The following SLC4A4 variants were observed in gnomAD, a reference collection of about 807,000 sequenced individuals.
SLC4A4 encodes the protein solute carrier family 4 member 4, also known as electrogenic sodium bicarbonate cotransporter 1.
Under a neutral mutation model 111.5 loss-of-function variants are expected in SLC4A4, and 27 were observed. The observed-to-expected ratio is 0.24, with a 90% confidence interval of 0.18 to 0.33. SLC4A4 has a LOEUF of 0.33. Among genes scored for constraint, SLC4A4 ranks in the 10% least tolerant of loss-of-function variants. The pLI is 1.00. For synonymous variants in SLC4A4, 443 were observed against 463.4 expected (o/e 0.96, Z 0.57); for missense variants, 909 against 1,315.5 (o/e 0.69, Z 4.78).
intron 13 of SLC4A4, among the ~76,000 whole-genome samples, chr4:71,466,959 G>GAGAGAA (rs1560533813): frequency 9.1e-6 from 1 of 109,810 alleles, no homozygotes. Flanking sequence ...GAGAGAGAGA[G>GAGAGAA]AGAGAGGGAG....
At chr4:71,304,685 A>G (rs1226440851) in intron 3 of SLC4A4, among the ~76,000 whole-genome samples, 1 of 152,238 alleles carries the variant, frequency 6.6e-6, no homozygotes, top group Non-Finnish European at 1.5e-5. Context: ...TAAGCCAGCT[A>G]TGATTAAGTG....
At position 71,571,269 on chromosome 4, in the gene SLC4A4, T is replaced by C. The variant is rs1252478465; in HGVS notation, c.*3518T>C. On this transcript the variant is annotated 3_prime_UTR_variant, in exon 26 of 26. Coordinates refer to ENST00000264485, the MANE Select transcript of SLC4A4 (RefSeq NM_001098484.3). ...TGGGACAAAGCCTTCTTCAATCCTT[T>C]TCATACTACTTAATGATTTTGGTGC... is the stretch of plus-strand genomic sequence containing the variant. 27 of 152,300 alleles carry C rather than the reference T, an allele frequency of 1.8e-4. 1 individual carries two copies. In the Admixed American group the frequency reaches 1.8e-3, roughly 10 times the overall value. 9.4% of individuals were successfully genotyped at this position (152,300 alleles called of 1,614,324 possible).
At chr4:71,328,609 T>G (rs1465950408) in intron 3 of SLC4A4, among the ~76,000 whole-genome samples, 1 of 152,142 alleles carries the variant, frequency 6.6e-6, no homozygotes, top group Non-Finnish European at 1.5e-5. Context: ...GTTTCTTAGT[T>G]GTATGTCTTA....
intron 2 of SLC4A4, among the ~76,000 whole-genome samples, chr4:71,137,519 C>T (rs185275247): frequency 6.6e-6 from 1 of 152,278 alleles, no homozygotes; most frequent in African/African-American, 2.4e-5. Context: ...ATACAAGGTC[C>T]TTTAACCACC....
intron 2 of SLC4A4, among the ~76,000 whole-genome samples, chr4:71,160,000 A>G (rs978448945): frequency 2.0e-5 from 3 of 152,186 alleles, no homozygotes; most frequent in Admixed American, 2.0e-4. Flanking sequence ...CTGTCATAAT[A>G]ATACCTAACA....
At chr4:71,443,380 C>G (rs1053278292) in intron 8 of SLC4A4, among the ~76,000 whole-genome samples, 2 of 151,596 alleles carry the variant, frequency 1.3e-5, no homozygotes, top group Admixed American at 1.3e-4. Flanking sequence ...AAACTCCTGA[C>G]CTCAAGTAAT....
intron 7 of SLC4A4, among the ~76,000 whole-genome samples, chr4:71,414,260 A>G (rs1721646621): frequency 6.6e-6 from 1 of 152,210 alleles, no homozygotes; most frequent in Non-Finnish European, 1.5e-5. Context: ...GTTCTGAGTG[A>G]AGGGACCTGC....
chr4:71,412,826 T>A (rs1189540873), intron 7 of SLC4A4, among the ~76,000 whole-genome samples: 1 of 152,202 alleles, frequency 6.6e-6, no homozygotes, highest in East Asian at 1.9e-4. Context: ...AATGACTGTA[T>A]GTTAGGAATG....
chr4:71,142,454 C>G (rs761544025), intron 2 of SLC4A4, among the ~76,000 whole-genome samples: 1 of 152,126 alleles, frequency 6.6e-6, no homozygotes, highest in Non-Finnish European at 1.5e-5. Context: ...TTTTGCTGCT[C>G]CCTGTTTTAG....
intron 14 of SLC4A4, among the ~76,000 whole-genome samples, chr4:71,481,377 A>C (rs187656116): frequency 3.4e-3 from 514 of 151,784 alleles, no homozygotes; most frequent in Middle Eastern, 0.024. Flanking sequence ...CAGAGGAGCC[A>C]TGGGGTAGTT....
chr4:71,536,632 A>G (rs9715200), intron 18 of SLC4A4, among the ~76,000 whole-genome samples: 88,570 of 149,404 alleles, frequency 0.59, 30,255 homozygotes, highest in Non-Finnish European at 0.77. Context: ...GAGTAGCTGG[A>G]ATTACAGGGG....
chr4:71,560,796 A>G (rs1453457), intron 23 of SLC4A4, among the ~76,000 whole-genome samples: 131,113 of 151,714 alleles, frequency 0.86, 57,806 homozygotes, highest in Non-Finnish European at 0.96. Flanking sequence ...TTCTTCAATA[A>G]AAAGAAAAGG....
At chr4:71,431,222 ATGTT>A (rs1489683567) in intron 7 of SLC4A4, among the ~76,000 whole-genome samples, 1 of 150,542 alleles carries the variant, frequency 6.6e-6, no homozygotes, top group African/African-American at 2.4e-5. Flanking sequence ...GGAAAACAGT[ATGTT>A]TGACTACAAT....
chr4:71,118,899 G>A (rs1367590631), intron 2 of SLC4A4, among the ~76,000 whole-genome samples: 2 of 152,166 alleles, frequency 1.3e-5, no homozygotes. Flanking sequence ...TTTCAGGGAG[G>A]TGGAATGATT....
chr4:71,414,808 T>C (rs999339530), intron 7 of SLC4A4, among the ~76,000 whole-genome samples: 7 of 152,310 alleles, frequency 4.6e-5, no homozygotes, highest in African/African-American at 1.7e-4. Context: ...AGAAATCCTA[T>C]GTTTAGCATC....
chr4:71,403,876 A>C (rs2148989229), intron 7 of SLC4A4, among the ~76,000 whole-genome samples: 1 of 152,278 alleles, frequency 6.6e-6, no homozygotes, highest in Non-Finnish European at 1.5e-5. Flanking sequence ...TTATTCCTAT[A>C]TTAAGTATTG....
At chr4:71,413,556 ACTT>A (rs1721581185) in intron 7 of SLC4A4, among the ~76,000 whole-genome samples, 1 of 152,244 alleles carries the variant, frequency 6.6e-6, no homozygotes, top group South Asian at 2.1e-4. Context: ...AGTGAAAAGT[ACTT>A]CTGCATTTAA....
At chr4:71,182,273 T>C (rs1745318340), upstream of SLC4A4, among the ~76,000 whole-genome samples, 1 of 152,118 alleles carries the variant, frequency 6.6e-6, no homozygotes, top group Admixed American at 6.6e-5. Context: ...GCACATTTGC[T>C]CAGAGTGCTC....
intron 3 of SLC4A4, among the ~76,000 whole-genome samples, chr4:71,278,093 C>G (rs1723218611): frequency 1.3e-5 from 2 of 152,128 alleles, no homozygotes; most frequent in African/African-American, 4.8e-5. Flanking sequence ...CAACATCTCC[C>G]CATTCTCCCA....
Sources: allele counts gnomAD v4.1 joint callset (sites outside exome capture counted in the v4.1 genomes callset), GRCh38; gene constraint gnomAD v4.1.1; transcripts MANE v1.5; gene names NCBI Gene and HGNC (gene_info 2026-07-23, HGNC 2026-07-21).